SLC9A5: variants seen among roughly 807,000 people sequenced by gnomAD.
SLC9A5 encodes the protein sodium/hydrogen exchanger 5.
In SLC9A5, 52 loss-of-function variants were observed where a neutral mutation model predicts 91.7. The ratio of observed to expected loss-of-function variants is 0.57; its 90% CI spans 0.45 to 0.71. SLC9A5 has a LOEUF of 0.71. Ranked by LOEUF, SLC9A5 falls within the 30% of genes least tolerant of loss-of-function variation. SLC9A5 has a pLI of 0.00. For synonymous variants in SLC9A5, 419 were observed against 474.5 expected, an observed-to-expected ratio of 0.88 and a Z score of 1.52; for missense variants, 871 against 1,158.9, an observed-to-expected ratio of 0.75 and a Z score of 3.61.
chr16:67,254,902 C>A, intron 2 of SLC9A5, 119 bp from the exon 3 acceptor site: 2 of 931,302 alleles, frequency 2.1e-6, no homozygotes, highest in Non-Finnish European at 3.2e-6. Flanking sequence ...CATCCCAAGT[C>A]CTCTTTGGGC....
chr16:67,260,641 A>G (rs767404974), intron 12 of SLC9A5, among the ~76,000 whole-genome samples: 12 of 152,136 alleles, frequency 7.9e-5, no homozygotes, highest in Non-Finnish European at 1.3e-4. Context: ...GGAGGAGGAG[A>G]CAGAGTACTG....
In SLC9A5 at chr16:67,268,681, TA is replaced by T. The variant is rs2035810913; in HGVS notation, c.2219-2056del. On this transcript the variant is annotated intron_variant, in intron 15 of 15. Coordinates refer to ENST00000299798, the MANE Select transcript of SLC9A5 (RefSeq NM_004594.3). ...GATTATATATATATATATATATATATATATATATATATATATATATATATAT... is the reference window on the plus strand; with the variant it reads ...GATTATATATATATATATATATATATTATATATATATATATATATATATAT... Among the ~76,000 whole-genome samples, 2 of 59,556 alleles carry T rather than the reference TA, an allele frequency of 3.4e-5. 1 individual carries two copies. The highest frequency in any genetic ancestry group is 6.2e-5 in the Non-Finnish European group (2 of 32,306). The allele number at this position is 59,556 out of a possible 152,430, so 39.1% of individuals were successfully genotyped here.
intron 10 of SLC9A5, among the ~76,000 whole-genome samples, chr16:67,259,361 CAAAAAAA>C (rs764650700): frequency 1.8e-4 from 8 of 43,362 alleles, no homozygotes; most frequent in Admixed American, 2.5e-4. Flanking sequence ...GACTCTGTCT[CAAAAAAA>C]AAAAAAAAAA....
In SLC9A5 at chr16:67,271,537, T is replaced by C. The variant is rs914969720; in HGVS notation, c.*327T>C. The C allele has an allele frequency of 1.8e-5, 6 of 341,542 alleles. No individual in the cohort carries two copies. The highest frequency in any genetic ancestry group is 8.3e-5 in the African/African-American group (4 of 48,336). 21.2% of individuals were successfully genotyped at this position (341,542 alleles called of 1,614,324 possible). On this transcript the variant is annotated 3_prime_UTR_variant, in exon 16 of 16. Transcript: ENST00000299798. Reference sequence around the variant, plus strand: ...CTAGTGGGTTTTCCCGGGGACTCTATAGGCAGCTGCTCCTGCCCGCAAAGC... The same window carrying C: ...CTAGTGGGTTTTCCCGGGGACTCTACAGGCAGCTGCTCCTGCCCGCAAAGC...
rs374334958 is a variant in SLC9A5 at position 67,266,053 on chromosome 16, C to T, written c.2081-35C>T. On this transcript the variant is annotated intron_variant, in intron 14 of 15. Coordinates refer to ENST00000299798, the MANE Select transcript of SLC9A5 (RefSeq NM_004594.3). ...GTAGTCCCAACAGGCAGCTGCCAGC[C>T]CAGGATGCCTGACTCTGCTCTTGTC... 1.8e-4 allele frequency: 297 copies of T among 1,607,198 alleles called. No homozygotes were observed. In the African/African-American group the frequency reaches 2.1e-3, roughly 11 times the overall value.
At position 67,254,975 on chromosome 16, in the gene SLC9A5, G is replaced by T. The variant is rs1189827954; in HGVS notation, c.491-46G>T. 5 of 1,578,438 alleles carry T rather than the reference G, an allele frequency of 3.2e-6. No homozygotes were observed. In the East Asian group the frequency reaches 6.8e-5, roughly 21 times the overall value. ...GTTCCAGGGCGTGCTCCAGGAGACT[G>T]GGTCGTCTTCAATGACTGGCCTGTC... On this transcript the variant is annotated intron_variant, in intron 2 of 15. Transcript: ENST00000299798.
chr16:67,259,489 GTTA>G, intron 10 of SLC9A5, 81 bp from the exon 11 acceptor site: 5 of 954,536 alleles, frequency 5.2e-6, no homozygotes, highest in African/African-American at 1.6e-5. Context: ...CTAAGTGTTC[GTTA>G]TTATTATTTT....
chr16:67,257,514 ACCCACCC>A lies in SLC9A5; in HGVS notation c.1426-13_1426-7del, dbSNP rs1469457980. 4 of 1,611,962 alleles carry A rather than the reference ACCCACCC, an allele frequency of 2.5e-6. No individual in the cohort carries two copies. In the Admixed American group the frequency reaches 6.7e-5, roughly 27 times the overall value. On this transcript the variant is annotated splice_polypyrimidine_tract_variant and intron_variant, in intron 8 of 15. Transcript: ENST00000299798. The surrounding 1 kb of genome is among the most constrained non-coding windows in gnomAD (Gnocchi z 5.1). The stretch of plus-strand genomic sequence containing the variant: ...GGCAGAGTCCTGATCCAGTCCCCCT[ACCCACCC>A]CCCTTCTAGACTTTTGACCACATTC...
In SLC9A5 at chr16:67,256,589, C is replaced by T. The variant is rs758828754; in HGVS notation, c.1032C>T (p.Phe344=). 1.4e-5 allele frequency: 22 copies of T among 1,614,026 alleles called. No homozygotes were observed. The highest frequency in any genetic ancestry group is 1.6e-5 in the Non-Finnish European group (19 of 1,179,994). The change falls in exon 6 of 16, where the codon TTC becomes TTT. Residue 344 remains phenylalanine, a synonymous_variant. Coordinates refer to ENST00000299798, the MANE Select transcript of SLC9A5 (RefSeq NM_004594.3). This position sits in a 1 kb window ranked among gnomAD's most constrained non-coding sequence, Gnocchi z 4.1. ...CCAGCTGTGCTGAGACCGTGATCTT[C>T]ATGCTGCTTGGCATCTCAGCCGTGG... ...TLASCAETVI[F]MLLGISAVDS...
In SLC9A5 at chr16:67,256,912, C is replaced by T. The variant is rs1478234778; in HGVS notation, c.1134C>T (p.Gly378=). ...LIFILFFRAL[G]VVLQTWVLNQ... The stretch of plus-strand genomic sequence containing the variant: ...CCACTGGCCTCCCTCCCGCTGTAGG[C>T]GTAGTCCTGCAGACCTGGGTGCTGA... The change falls in exon 7 of 16, where the codon GGC becomes GGT. Residue 378 remains glycine (G), a splice_region_variant and synonymous_variant. Coordinates refer to ENST00000299798, the MANE Select transcript of SLC9A5 (RefSeq NM_004594.3). The surrounding 1 kb of genome is among the most constrained non-coding windows in gnomAD (Gnocchi z 4.1). The T allele has an allele frequency of 9.3e-6, 15 of 1,613,416 alleles. No individual in the cohort carries two copies. The highest frequency in any genetic ancestry group is 3.3e-5 in the Admixed American group (2 of 60,006).
chr16:67,260,288 G>A (rs74460657), intron 12 of SLC9A5, among the ~76,000 whole-genome samples: 2 of 145,620 alleles, frequency 1.4e-5, no homozygotes, highest in Non-Finnish European at 1.5e-5. Context: ...CCGGGAGGCA[G>A]AGGTTGCAAT....
At chr16:67,249,618 G>A (rs939903373) in intron 1 of SLC9A5, among the ~76,000 whole-genome samples, 2 of 152,156 alleles carry the variant, frequency 1.3e-5, no homozygotes, top group African/African-American at 4.8e-5. Context: ...CAGGCATCCT[G>A]GTTCTGAAAA....
rs1221826785 is a variant in SLC9A5, at chr16:67,271,334, T to G, written c.*124T>G. 5.9e-6 allele frequency: 5 copies of G among 844,950 alleles called. No homozygotes were observed. Among genetic ancestry groups the G allele is most frequent in the Non-Finnish European group, 9.3e-6 (5 of 537,930 alleles). The allele number at this position is 844,950 out of a possible 1,614,324, so 52.3% of individuals were successfully genotyped here. The stretch of plus-strand genomic sequence containing the variant: ...CCTGGGTTGAAGTAGTAATTGGGCT[T>G]CCTTGGAGCTAGTCAGAGGGGTCAC... On this transcript the variant is annotated 3_prime_UTR_variant, in exon 16 of 16. Coordinates refer to ENST00000299798, the MANE Select transcript of SLC9A5 (RefSeq NM_004594.3).
At chr16:67,263,943 G>C (rs112091111) in intron 12 of SLC9A5, among the ~76,000 whole-genome samples, 1 of 152,220 alleles carries the variant, frequency 6.6e-6, no homozygotes, top group Non-Finnish European at 1.5e-5. Flanking sequence ...ATTCCAGCTG[G>C]AGAAAGGATC....
In SLC9A5 at chr16:67,256,004, G is replaced by A. The variant is rs1597349640; in HGVS notation, c.911+74G>A. The A allele has an allele frequency of 2.0e-6, 3 of 1,499,980 alleles. No homozygotes were observed. The African/African-American group carries it at 4.1e-5, about 21-fold the overall frequency. The allele number at this position is 1,499,980 out of a possible 1,614,324, so 92.9% of individuals were successfully genotyped here. ...GATGGTTGCCCCTCATAGGGACACA[G>A]GCAGGAACTTCAGGAGTCCATAGGT... On this transcript the variant is annotated intron_variant, in intron 5 of 15. Coordinates refer to ENST00000299798, the MANE Select transcript of SLC9A5 (RefSeq NM_004594.3). The surrounding 1 kb of genome is among the most constrained non-coding windows in gnomAD (Gnocchi z 4.1).
Position 67,259,822 on chromosome 16 carries a change from G to A in SLC9A5, c.1718G>A (p.Arg573Lys). Residue 573 changes from arginine to lysine, a missense_variant and splice_region_variant, in exon 12 of 16, where the codon AGG (arginine) becomes AAG (lysine). Physicochemically the swap from Arg to Lys is conservative, Grantham distance 26. Coordinates refer to ENST00000299798, the MANE Select transcript of SLC9A5 (RefSeq NM_004594.3). ...VAETSVTNLL[R>K]ESGSGACLDL... ...CATGTGTCCCCTGCCTCCTGCAGGAGGGAGAGTGGCAGTGGAGCGTGTCTG... is the reference window on the plus strand; with the variant it reads ...CATGTGTCCCCTGCCTCCTGCAGGAAGGAGAGTGGCAGTGGAGCGTGTCTG... 6.2e-7 allele frequency: 1 copy of A among 1,614,128 alleles called. No homozygotes were observed. The highest frequency in any genetic ancestry group is 8.5e-7 in the Non-Finnish European group (1 of 1,179,970).
chr16:67,259,444 G>T (rs1239644054), intron 10 of SLC9A5, 129 bp from the exon 11 acceptor site: 8 of 667,044 alleles, frequency 1.2e-5, no homozygotes, highest in Non-Finnish European at 1.6e-5. Context: ...TATGTAAAGT[G>T]CCTAGCAGAG....
Position 67,252,701 on chromosome 16 carries a change from T to C in SLC9A5, c.347T>C (p.Val116Ala). 6.2e-7 allele frequency: 1 copy of C among 1,614,246 alleles called. No homozygotes were observed. Among genetic ancestry groups the C allele is most frequent in the Non-Finnish European group, 8.5e-7 (1 of 1,180,046 alleles). ...TFFLFLLPPI[V>A]LDSGYFMPSR... ...TTCCTCTTCCTGCTGCCTCCTATTGTGTTGGACTCAGGCTATTTCATGCCT... is the reference window on the plus strand; with the variant it reads ...TTCCTCTTCCTGCTGCCTCCTATTGCGTTGGACTCAGGCTATTTCATGCCT... The change falls in exon 2 of 16, where the codon GTG (valine) becomes GCG (alanine). Residue 116 changes from valine to alanine, a missense_variant. Transcript: ENST00000299798. The surrounding 1 kb of genome is among the most constrained non-coding windows in gnomAD (Gnocchi z 4.0).
intron 12 of SLC9A5, chr16:67,261,932 G>GTGTGTGTGTA (rs1417661916): frequency 9.3e-6 from 2 of 215,284 alleles, no homozygotes; most frequent in African/African-American, 4.6e-5. Flanking sequence ...GGTGAGGTGT[G>GTGTGTGTGTA]TGTGTGTGTG....
Sources: gnomAD v4.1 joint callset for allele counts (sites outside exome capture counted in the v4.1 genomes callset) on GRCh38, gnomAD v4.1.1 for gene constraint, Gnocchi (gnomAD v3.1) non-coding constraint, MANE v1.5 for transcripts, NCBI Gene and HGNC (gene_info 2026-07-23, HGNC 2026-07-21) for gene names.